The following SPTB variants were observed in gnomAD, a reference collection of about 807,000 sequenced individuals.
The protein encoded by SPTB is spectrin beta chain, erythrocytic.
In SPTB, 45 loss-of-function variants were observed where a neutral mutation model predicts 256.2. The ratio of observed to expected loss-of-function variants is 0.18; its 90% CI spans 0.14 to 0.23. SPTB has a LOEUF of 0.23. Among genes scored for constraint, SPTB ranks in the 10% least tolerant of loss-of-function variants. The pLI is 1.00. For synonymous variants in SPTB, 1,231 were observed against 1,243.1 expected, an observed-to-expected ratio of 0.99 and a Z score of 0.21; for missense variants, 2,715 against 3,040.4, an observed-to-expected ratio of 0.89 and a Z score of 2.52.
intron 33 of SPTB, chr14:64,752,218 A>G (rs1229962346): frequency 7.4e-7 from 1 of 1,348,666 alleles, no homozygotes; most frequent in African/African-American, 1.5e-5. Flanking sequence ...CACACGTGGG[A>G]AGCATGTTGC....
intron 1 of SPTB, among the ~76,000 whole-genome samples, chr14:64,868,725 A>G (rs1326135473): frequency 6.6e-6 from 1 of 152,214 alleles, no homozygotes; most frequent in Non-Finnish European, 1.5e-5. Flanking sequence ...GTTGTGGAGA[A>G]GTTGGAAACC....
chr14:64,753,774 C>T lies in SPTB; in HGVS notation c.6365G>A (p.Trp2122Ter). 6.2e-7 allele frequency: 1 copy of T among 1,613,410 alleles called. No homozygotes were observed. Among genetic ancestry groups the T allele is most frequent in the Non-Finnish European group, 8.5e-7 (1 of 1,180,024 alleles). The stretch of plus-strand genomic sequence containing the variant: ...TGGTGGCTGCTGCAGGTTCTGAGGC[C>T]ACGTTCCCTCTTCTTCCCCCTGCTC... Reference protein sequence around the residue: ...RTSPGEEEGTWPQNLQQPPPP... With the variant: ...RTSPGEEEGT The change falls in exon 33 of 36, where the codon TGG (tryptophan) becomes TAG (stop). Residue 2122 changes from tryptophan to a stop codon, truncating the protein, a stop_gained. Coordinates refer to ENST00000644917, the MANE Select transcript of SPTB (RefSeq NM_001355436.2). LOFTEE classifies it high-confidence loss of function.
rs1168671292 is a variant in SPTB at position 64,749,630 on chromosome 14, C to T, written c.6819+24G>A. ...CCACCTACCCCCTTCTTAGCCAGGT[C>T]TGGGCTAGGCTGCCCGCGCTTACCT... On this transcript the variant is annotated intron_variant, in intron 35 of 35. Transcript: ENST00000644917. The surrounding 1 kb of genome is among the most constrained non-coding windows in gnomAD (Gnocchi z 4.7). The T allele has an allele frequency of 1.2e-6, 2 of 1,613,326 alleles. No individual in the cohort carries two copies. Among genetic ancestry groups the T allele is most frequent in the East Asian group, 4.5e-5 (2 of 44,862 alleles).
In SPTB at chr14:64,845,764, CG is replaced by C; in HGVS notation, c.-51-22620del. Among the ~76,000 whole-genome samples, 1 of 152,098 alleles carries C rather than the reference CG, an allele frequency of 6.6e-6. No homozygotes were observed. Among genetic ancestry groups the C allele is most frequent in the Non-Finnish European group, 1.5e-5 (1 of 68,010 alleles). ...TGTGAAATGAGTTCTGCCATGGGCT[CG>C]CCTAGTCTCTTCATTGTTGAGTCAA... On this transcript the variant is annotated intron_variant, in intron 1 of 35. Coordinates refer to ENST00000644917, the MANE Select transcript of SPTB (RefSeq NM_001355436.2). The surrounding 1 kb of genome is among the most constrained non-coding windows in gnomAD (Gnocchi z 4.8).
intron 2 of SPTB, among the ~76,000 whole-genome samples, chr14:64,805,517 T>C (rs1175189210): frequency 6.6e-6 from 1 of 152,218 alleles, no homozygotes; most frequent in East Asian, 1.9e-4. Context: ...CACTAATTCA[T>C]CCTTTAAGAG....
At position 64,782,436 on chromosome 14, in the gene SPTB, GC is replaced by G. The variant is rs2082488565; in HGVS notation, c.4119del (p.Gln1373HisfsTer39). 6.2e-7 allele frequency: 1 copy of G among 1,614,022 alleles called. No homozygotes were observed. Among genetic ancestry groups the G allele is most frequent in the Non-Finnish European group, 8.5e-7 (1 of 1,180,056 alleles). On this transcript the variant is annotated frameshift_variant, in exon 20 of 36. Coordinates refer to ENST00000644917, the MANE Select transcript of SPTB (RefSeq NM_001355436.2). LOFTEE classifies it high-confidence loss of function. ...TCGGAGCTCCTGGCAGCCGAGAGGT[GC>G]TGGGTCTTCTCCTTTGTGGTGGCCT... ...ELQATTKEKTQHLSAARSSDL... is the reference protein window; with the variant it reads ...ELQATTKEKTXHLSAARSSDL...
chr14:64,855,378 G>A (rs1160343507), intron 1 of SPTB, among the ~76,000 whole-genome samples: 1 of 152,116 alleles, frequency 6.6e-6, no homozygotes, highest in African/African-American at 2.4e-5. Flanking sequence ...ATAGGAAAAT[G>A]ACACTCTAAG....
chr14:64,766,076 C>CTGTG (rs144990490), intron 32 of SPTB, among the ~76,000 whole-genome samples: 36,318 of 129,426 alleles, frequency 0.28, 7,104 homozygotes, highest in African/African-American at 0.59. Flanking sequence ...GGGGTGTGGT[C>CTGTG]TGTATGAGTA....
intron 1 of SPTB, among the ~76,000 whole-genome samples, chr14:64,854,872 C>G (rs1427448843): frequency 6.6e-6 from 1 of 152,188 alleles, no homozygotes; most frequent in Admixed American, 6.5e-5. Flanking sequence ...ACCCCAGAAA[C>G]TCCCCTACAA....
rs1306830178 is a variant in SPTB, at chr14:64,791,801, T to C, written c.2722A>G (p.Asn908Asp). The C allele has an allele frequency of 9.9e-6, 16 of 1,614,046 alleles. 1 individual carries two copies. In the African/African-American group the frequency reaches 1.3e-4, roughly 13 times the overall value. ...KTLMTQIDGVNLAANSLVESG... is the reference protein window; with the variant it reads ...KTLMTQIDGVDLAANSLVESG... ...TCTACCAAGCTGTTGGCAGCGAGGT[T>C]CACACCATCAATCTGAGTCATCAAG... The change falls in exon 15 of 36, where the codon AAC becomes GAC. Residue 908 changes from asparagine to aspartate, a missense_variant. This residue lies in a region of SPTB where 2,239 missense variants were observed against 2,384.4 expected (regional missense o/e 0.94). Coordinates refer to ENST00000644917, the MANE Select transcript of SPTB (RefSeq NM_001355436.2).
intron 32 of SPTB, chr14:64,757,031 C>G (rs772757901): frequency 5.3e-5 from 8 of 152,348 alleles, no homozygotes; most frequent in Non-Finnish European, 1.0e-4. Flanking sequence ...GGGTATACAT[C>G]TGGGGAGGCC....
chr14:64,844,437 A>G lies in SPTB; in HGVS notation c.-51-21292T>C, dbSNP rs2083657982. 6.6e-6 allele frequency among the ~76,000 whole-genome samples: 1 copy of G among 152,232 alleles called. No homozygotes were observed. The highest frequency in any genetic ancestry group is 6.5e-5 in the Admixed American group (1 of 15,288). On this transcript the variant is annotated intron_variant, in intron 1 of 35. Coordinates refer to ENST00000644917, the MANE Select transcript of SPTB (RefSeq NM_001355436.2). The surrounding 1 kb of genome is among the most constrained non-coding windows in gnomAD (Gnocchi z 4.1). ...TGTGAGGCACCATGCTAAGTGCCTGACATACATACCTCCTTTCATCATCAG... is the reference window on the plus strand; with the variant it reads ...TGTGAGGCACCATGCTAAGTGCCTGGCATACATACCTCCTTTCATCATCAG...
rs1247188579 is a variant in SPTB, at chr14:64,747,907, T to A, written c.*1399A>T. 1.3e-5 allele frequency: 2 copies of A among 149,770 alleles called. No individual in the cohort carries two copies. Among genetic ancestry groups the A allele is most frequent in the Non-Finnish European group, 2.9e-5 (2 of 67,846 alleles). The allele number at this position is 149,770 out of a possible 1,614,324, so 9.3% of individuals were successfully genotyped here. On this transcript the variant is annotated 3_prime_UTR_variant, in exon 36 of 36. Transcript: ENST00000644917. ...TCGGAGTAGAGTGGTGGGGAAAATA[T>A]GGAATGAGCTTTCTCTTCCTCCAGA...
chr14:64,865,093 G>A (rs1398715807), intron 1 of SPTB, among the ~76,000 whole-genome samples: 2 of 151,878 alleles, frequency 1.3e-5, no homozygotes, highest in Admixed American at 1.3e-4. Flanking sequence ...TTAAGCATCA[G>A]GTCTTAGAGA....
chr14:64,854,710 C>A (rs2083844156), intron 1 of SPTB, among the ~76,000 whole-genome samples: 1 of 151,820 alleles, frequency 6.6e-6, no homozygotes, highest in Non-Finnish European at 1.5e-5. Context: ...CCCAGAAAAC[C>A]ACATGGGTGA....
chr14:64,783,043 AG>A (rs2082499510), intron 19 of SPTB, among the ~76,000 whole-genome samples: 1 of 152,154 alleles, frequency 6.6e-6, no homozygotes, highest in South Asian at 2.1e-4. Context: ...CAGTCAGTGC[AG>A]AAACTGCCCC....
Position 64,777,932 on chromosome 14 carries a change from C to T in SPTB, c.4563+1225G>A, listed in dbSNP as rs1272003612. Among the ~76,000 whole-genome samples, 1 of 152,134 alleles carries T rather than the reference C, an allele frequency of 6.6e-6. No homozygotes were observed. Among genetic ancestry groups the T allele is most frequent in the African/African-American group, 2.4e-5 (1 of 41,414 alleles). ...AACTGCCAGCCAGGGGAGTTAAAAA[C>T]CTTTGAACAATAACACTTACAGAGG... On this transcript the variant is annotated intron_variant, in intron 22 of 35. Coordinates refer to ENST00000644917, the MANE Select transcript of SPTB (RefSeq NM_001355436.2). The surrounding 1 kb of genome is among the most constrained non-coding windows in gnomAD (Gnocchi z 4.5).
At chr14:64,843,704 CTGGGAGAGAAGAG>C (rs1263494655) in intron 1 of SPTB, among the ~76,000 whole-genome samples, 1 of 152,162 alleles carries the variant, frequency 6.6e-6, no homozygotes, top group African/African-American at 2.4e-5. Flanking sequence ...AGGACCACGA[CTGGGAGAGAAGAG>C]TGGGTGTGAA....
intron 2 of SPTB, among the ~76,000 whole-genome samples, chr14:64,821,605 T>A (rs899000845): frequency 2.0e-5 from 3 of 152,284 alleles, no homozygotes; most frequent in African/African-American, 7.2e-5. Context: ...CCAAGTTTGG[T>A]TGGCTTAAAT....
Sources: gnomAD v4.1 joint callset for allele counts (sites outside exome capture counted in the v4.1 genomes callset) on GRCh38, gnomAD v4.1.1 for gene constraint, gnomAD v4.1.1 regional missense constraint, Gnocchi (gnomAD v3.1) non-coding constraint, MANE v1.5 for transcripts, NCBI Gene and HGNC (gene_info 2026-07-23, HGNC 2026-07-21) for gene names.